Variants in DMD observed in about 807,000 individuals in gnomAD.
The protein encoded by DMD is dystrophin.
Under a neutral mutation model 330.1 loss-of-function variants are expected in DMD, and 63 were observed. The ratio of observed to expected loss-of-function variants is 0.19; its 90% CI spans 0.16 to 0.24. The LOEUF is 0.24. Ranked by LOEUF, DMD falls within the 10% of genes least tolerant of loss-of-function variation. The pLI, the probability that DMD is intolerant of heterozygous loss-of-function variation, is 1.00. For synonymous variants in DMD, 1,223 were observed against 959.8 expected, an observed-to-expected ratio of 1.27 and a Z score of -5.07; for missense variants, 3,344 against 2,684.1, an observed-to-expected ratio of 1.25 and a Z score of -5.43.
intron 52 of DMD, among the ~76,000 whole-genome samples, chrX:31,695,063 A>G (rs1024067757): frequency 9.0e-6 from 1 of 111,354 alleles, no homozygotes; most frequent in Admixed American, 9.6e-5. Flanking sequence ...TGTGGCTCAT[A>G]TAAATGATGC....
intron 30 of DMD, among the ~76,000 whole-genome samples, chrX:32,406,693 G>A (rs1569561409): frequency 9.2e-6 from 1 of 109,263 alleles, no homozygotes; most frequent in Non-Finnish European, 1.9e-5. Flanking sequence ...ATGTTCATCA[G>A]GGATATTGGT....
chrX:32,918,819 G>A (rs1407172684), intron 2 of DMD, among the ~76,000 whole-genome samples: 1 of 112,067 alleles, frequency 8.9e-6, no homozygotes, highest in Non-Finnish European at 1.9e-5. Flanking sequence ...TGAGGAGAAG[G>A]ACATTTGGAA....
At chrX:32,074,346 G>A (rs6631479) in intron 44 of DMD, among the ~76,000 whole-genome samples, 15,600 of 110,904 alleles carry the variant, frequency 0.14, 1,035 homozygotes, top group African/African-American at 0.25. Context: ...CGTTTACTAT[G>A]CAAGGGCTGA....
intron 1 of DMD, among the ~76,000 whole-genome samples, chrX:33,121,530 G>T (rs1187951646): frequency 3.6e-5 from 4 of 112,101 alleles, no homozygotes; most frequent in Non-Finnish European, 7.5e-5. Flanking sequence ...ACCACGCCTG[G>T]CCTATCATTC....
intron 57 of DMD, among the ~76,000 whole-genome samples, chrX:31,483,040 C>CTTTTTTT (rs375059694): frequency 9.9e-5 from 7 of 70,764 alleles, no homozygotes; most frequent in African/African-American, 2.1e-4. Flanking sequence ...GGAAATGGAT[C>CTTTTTTT]TTTTTTTTTT....
chrX:33,179,862 A>G (rs1333759840), intron 1 of DMD, among the ~76,000 whole-genome samples: 2 of 101,926 alleles, frequency 2.0e-5, no homozygotes, highest in Non-Finnish European at 4.0e-5. Context: ...TTCCTCTGAG[A>G]TGGAGTTTCG....
At chrX:33,301,662 T>C (rs1359415611) in intron 1 of DMD, among the ~76,000 whole-genome samples, 1 of 111,822 alleles carries the variant, frequency 8.9e-6, no homozygotes, top group Non-Finnish European at 1.9e-5. Context: ...TCGAAGATGA[T>C]GCCTTGAACG....
intron 44 of DMD, among the ~76,000 whole-genome samples, chrX:32,079,412 T>C (rs750624577): frequency 9.1e-6 from 1 of 110,371 alleles, no homozygotes; most frequent in African/African-American, 3.3e-5. Flanking sequence ...CTGGGCAACA[T>C]GGTCAAACCC....
intron 7 of DMD, among the ~76,000 whole-genome samples, chrX:32,700,850 T>G (rs1021300071): frequency 1.8e-5 from 2 of 111,815 alleles, no homozygotes; most frequent in African/African-American, 6.5e-5. Context: ...GTGTTCTGAT[T>G]ATAAGTGAAA....
chrX:31,582,730 G>C (rs895754907), intron 55 of DMD, among the ~76,000 whole-genome samples: 4 of 112,125 alleles, frequency 3.6e-5, no homozygotes, highest in Non-Finnish European at 7.5e-5. Flanking sequence ...ACTGAGGCTA[G>C]AAGAGATTTA....
chrX:31,497,927 T>C (rs2070035562), intron 56 of DMD, among the ~76,000 whole-genome samples: 1 of 112,328 alleles, frequency 8.9e-6, no homozygotes, highest in Non-Finnish European at 1.9e-5. Flanking sequence ...GCTGCAAAGA[T>C]TGAAATGTAA....
intron 49 of DMD, among the ~76,000 whole-genome samples, chrX:31,833,377 GAGAGAC>G (rs1355192047): frequency 9.4e-6 from 1 of 106,511 alleles, no homozygotes; most frequent in Non-Finnish European, 1.9e-5. Context: ...GAGAGAGAGA[GAGAGAC>G]AGAGAGAGAG....
intron 55 of DMD, among the ~76,000 whole-genome samples, chrX:31,516,516 C>A (rs1202087163): frequency 9.0e-6 from 1 of 111,357 alleles, no homozygotes; most frequent in Non-Finnish European, 1.9e-5. Flanking sequence ...GCAGAGTTGT[C>A]GTCCCAAGAG....
intron 60 of DMD, among the ~76,000 whole-genome samples, chrX:31,360,557 G>A (rs1282116676): frequency 2.7e-5 from 3 of 112,416 alleles, no homozygotes; most frequent in African/African-American, 9.7e-5. Context: ...GCGAAGAGAG[G>A]ATAAGCTGCC....
chrX:32,900,701 A>G (rs2086155583), intron 2 of DMD, among the ~76,000 whole-genome samples: 1 of 111,111 alleles, frequency 9.0e-6, no homozygotes, highest in Admixed American at 9.7e-5. Context: ...ATTGCTCTAT[A>G]TTCCTTACAC....
intron 44 of DMD, among the ~76,000 whole-genome samples, chrX:32,141,508 A>G (rs2096753056): frequency 9.0e-6 from 1 of 111,705 alleles, no homozygotes; most frequent in South Asian, 3.8e-4. Flanking sequence ...AAATGGCCTC[A>G]GTGTGCTCTC....
At chrX:33,284,417 C>A (rs2053395257) in intron 1 of DMD, among the ~76,000 whole-genome samples, 1 of 110,688 alleles carries the variant, frequency 9.0e-6, no homozygotes, top group Admixed American at 9.6e-5. Flanking sequence ...CTTTTAGTTT[C>A]CAAATTCTTC....
intron 43 of DMD, among the ~76,000 whole-genome samples, chrX:32,245,204 T>A (rs199876357): frequency 0.025 from 2,451 of 96,236 alleles, 116 homozygotes; most frequent in South Asian, 0.11. Flanking sequence ...CCCAGCACCA[T>A]TTATTAAATA....
intron 44 of DMD, among the ~76,000 whole-genome samples, chrX:32,033,835 T>C (rs1041052318): frequency 9.0e-6 from 1 of 111,727 alleles, no homozygotes; most frequent in African/African-American, 3.2e-5. Flanking sequence ...TTATAAATAT[T>C]AAATATGTGG....
Sources: allele counts gnomAD v4.1 joint callset (sites outside exome capture counted in the v4.1 genomes callset), GRCh38; gene constraint gnomAD v4.1.1; transcripts MANE v1.5; gene names NCBI Gene and HGNC (gene_info 2026-07-23, HGNC 2026-07-21).